The following GRIA1 variants were observed in gnomAD, a reference collection of about 807,000 sequenced individuals.
The protein encoded by GRIA1 is glutamate ionotropic receptor AMPA type subunit 1.
In GRIA1, 31 loss-of-function variants were observed where a neutral mutation model predicts 99.2. The ratio of observed to expected loss-of-function variants is 0.31; its 90% CI spans 0.23 to 0.42. GRIA1 has a LOEUF of 0.42. Ranked by LOEUF, GRIA1 falls within the 10% of genes least tolerant of loss-of-function variation. The probability of loss-of-function intolerance (pLI) is 1.00; values close to 1 mark genes in which losing one functional copy is unlikely to be tolerated. For synonymous variants in GRIA1, 438 were observed against 432.4 expected, an observed-to-expected ratio of 1.01 and a Z score of -0.16; for missense variants, 782 against 1,157.5, an observed-to-expected ratio of 0.68 and a Z score of 4.71.
intron 5 of GRIA1, among the ~76,000 whole-genome samples, chr5:153,657,645 C>T (rs2149466838): frequency 6.6e-6 from 1 of 152,282 alleles, no homozygotes; most frequent in East Asian, 1.9e-4. Flanking sequence ...AAGCATCCTG[C>T]CTAATCCAGA....
intron 8 of GRIA1, among the ~76,000 whole-genome samples, chr5:153,687,978 G>T (rs1381575123): frequency 6.6e-6 from 1 of 152,190 alleles, no homozygotes; most frequent in Non-Finnish European, 1.5e-5. Context: ...TTTCTTCCTG[G>T]AGGCTCCAGA....
chr5:153,558,303 C>T (rs978269807), intron 2 of GRIA1, among the ~76,000 whole-genome samples: 3 of 151,972 alleles, frequency 2.0e-5, no homozygotes, highest in Non-Finnish European at 4.4e-5. Flanking sequence ...TTTTGACAAA[C>T]CTATATAGTC....
chr5:153,811,420 T>G lies in GRIA1; in HGVS notation c.*195T>G. The G allele has an allele frequency of 1.8e-6, 1 of 557,786 alleles. No homozygotes were observed. The highest frequency in any genetic ancestry group is 3.2e-6 in the Non-Finnish European group (1 of 309,452). 34.6% of individuals were successfully genotyped at this position (557,786 alleles called of 1,614,324 possible). On this transcript the variant is annotated 3_prime_UTR_variant, in exon 16 of 16. Transcript: ENST00000285900. Reference sequence around the variant, plus strand: ...TGTCCCTTTTCCTTTTTTGATGTTCTTTCACCCTTTTCTGTTTGCTAAGTG... The same window carrying G: ...TGTCCCTTTTCCTTTTTTGATGTTCGTTCACCCTTTTCTGTTTGCTAAGTG...
intron 11 of GRIA1, among the ~76,000 whole-genome samples, chr5:153,731,890 C>T (rs1170186202): frequency 6.6e-6 from 1 of 152,008 alleles, no homozygotes; most frequent in South Asian, 2.1e-4. Flanking sequence ...ACTCTTTGAC[C>T]AACATCTTAT....
chr5:153,710,028 A>G (rs1339953979), intron 11 of GRIA1, among the ~76,000 whole-genome samples: 2 of 152,216 alleles, frequency 1.3e-5, no homozygotes, highest in Non-Finnish European at 2.9e-5. Flanking sequence ...AGCGAATGCT[A>G]CTGAAATGCT....
At chr5:153,604,550 G>A (rs1001757779) in intron 2 of GRIA1, among the ~76,000 whole-genome samples, 22 of 152,086 alleles carry the variant, frequency 1.4e-4, no homozygotes, top group African/African-American at 4.3e-4. Context: ...GAATTGTAGC[G>A]TTGTCAGCCC....
chr5:153,500,570 TTCTCTCTCTCTCTC>T (rs3064315), intron 2 of GRIA1, among the ~76,000 whole-genome samples: 3 of 129,076 alleles, frequency 2.3e-5, no homozygotes, highest in African/African-American at 8.8e-5. Context: ...CTGCCTCTCT[TTCTCTCTCTCTCTC>T]TCTCTCTCTC....
chr5:153,570,485 TCTTAAAGGCTAGG>T (rs1430391180), intron 2 of GRIA1, among the ~76,000 whole-genome samples: 39 of 152,208 alleles, frequency 2.6e-4, no homozygotes, highest in Non-Finnish European at 1.5e-5. Flanking sequence ...AAGGATAGTG[TCTTAAAGGCTAGG>T]CTTTTGAGGT....
At chr5:153,677,361 T>A (rs1337495815) in intron 7 of GRIA1, among the ~76,000 whole-genome samples, 200 bp downstream of exon 7, 2 of 152,258 alleles carry the variant, frequency 1.3e-5, no homozygotes, top group Non-Finnish European at 2.9e-5. Flanking sequence ...CAGTCATTTC[T>A]TGTAGTGTAA....
intron 2 of GRIA1, among the ~76,000 whole-genome samples, chr5:153,577,154 TTGGA>T (rs35199031): frequency 0.43 from 51,164 of 119,730 alleles, 12,236 homozygotes; most frequent in East Asian, 0.78. Flanking sequence ...GGATGGATGG[TTGGA>T]TGGATGGATG....
chr5:153,801,917 G>T (rs961072067), intron 14 of GRIA1, among the ~76,000 whole-genome samples: 1 of 128,204 alleles, frequency 7.8e-6, no homozygotes, highest in African/African-American at 2.9e-5. Flanking sequence ...AATGAGTGAG[G>T]CCAATGGGTT....
chr5:153,741,946 A>AAAAG (rs1554122142), intron 11 of GRIA1, among the ~76,000 whole-genome samples: 1,894 of 149,892 alleles, frequency 0.013, 38 homozygotes, highest in African/African-American at 0.041. Flanking sequence ...AAAAAAAAAA[A>AAAAG]AAAAGAAAAA....
chr5:153,554,433 C>T (rs1760433233), intron 2 of GRIA1, among the ~76,000 whole-genome samples: 1 of 152,162 alleles, frequency 6.6e-6, no homozygotes, highest in Non-Finnish European at 1.5e-5. Context: ...GTCCCACTCC[C>T]AGAGATTCCG....
rs149981872 is a variant in GRIA1 at position 153,783,129 on chromosome 5, A to C, written c.2271-11492A>C. 5.3e-3 allele frequency among the ~76,000 whole-genome samples: 813 copies of C among 152,250 alleles called. 8 individuals carry two copies. Among genetic ancestry groups the C allele is most frequent in the African/African-American group, 0.019 (771 of 41,536 alleles). On this transcript the variant is annotated intron_variant, in intron 13 of 15. Coordinates refer to ENST00000285900, the MANE Select transcript of GRIA1 (RefSeq NM_000827.4). Reference sequence around the variant, plus strand: ...CAGCATTGTGACCCTGTGTATTTAAAAGTCCACAAGAAAATAACGGACCTG... The same window carrying C: ...CAGCATTGTGACCCTGTGTATTTAACAGTCCACAAGAAAATAACGGACCTG...
intron 11 of GRIA1, among the ~76,000 whole-genome samples, chr5:153,753,970 G>A (rs1343276507): frequency 2.6e-5 from 4 of 152,186 alleles, no homozygotes; most frequent in African/African-American, 9.6e-5. Flanking sequence ...ATCAGTTAAA[G>A]GAAAGAAATG....
intron 2 of GRIA1, among the ~76,000 whole-genome samples, chr5:153,619,879 A>T (rs1766865690): frequency 2.0e-5 from 3 of 152,152 alleles, no homozygotes; most frequent in Admixed American, 2.0e-4. Context: ...ACTCAGCCTT[A>T]CTGTGTGACC....
chr5:153,519,785 A>T (rs994471795), intron 2 of GRIA1, among the ~76,000 whole-genome samples: 2 of 152,186 alleles, frequency 1.3e-5, no homozygotes, highest in Non-Finnish European at 2.9e-5. Flanking sequence ...TGTGTTGAAG[A>T]TTATTATATA....
chr5:153,555,813 C>T (rs752057883), intron 2 of GRIA1, among the ~76,000 whole-genome samples: 1 of 152,110 alleles, frequency 6.6e-6, no homozygotes, highest in Non-Finnish European at 1.5e-5. Flanking sequence ...AGCTGAAAGT[C>T]GAATCATTTG....
chr5:153,801,562 C>A (rs980552728), intron 14 of GRIA1, among the ~76,000 whole-genome samples: 62 of 152,236 alleles, frequency 4.1e-4, no homozygotes, highest in African/African-American at 1.5e-3. Flanking sequence ...CATCCCAAAC[C>A]AGTGTAAGAT....
Sources: allele counts gnomAD v4.1 joint callset (sites outside exome capture counted in the v4.1 genomes callset), GRCh38; gene constraint gnomAD v4.1.1; transcripts MANE v1.5; gene names NCBI Gene and HGNC (gene_info 2026-07-23, HGNC 2026-07-21).